The following DENND5A variants were observed in gnomAD, a reference collection of about 807,000 sequenced individuals.
DENND5A encodes the protein DENN domain-containing protein 5A.
A neutral mutation model predicts 140.3 loss-of-function variants in DENND5A; 64 were observed. The ratio of observed to expected loss-of-function variants is 0.46; its 90% CI spans 0.37 to 0.56. DENND5A has a LOEUF of 0.56. DENND5A is among the 20% of genes least tolerant of loss of function. The pLI is 0.00. For missense variants in DENND5A, 1,292 were observed against 1,593.8 expected (o/e 0.81, Z 3.22); for synonymous variants, 605 against 607.7 (o/e 1.00, Z 0.07).
Position 9,152,589 on chromosome 11 carries a change from T to C in DENND5A, c.2437-147A>G, listed in dbSNP as rs992730180. ...CCAGGACACAGTGTATGCAAATATA[T>C]CAATTTACTAAAATCCAGAAGAAAT... On this transcript the variant is annotated intron_variant, in intron 12 of 22. Coordinates refer to ENST00000328194, the MANE Select transcript of DENND5A (RefSeq NM_015213.4). 2.7e-5 allele frequency: 17 copies of C among 626,024 alleles called. No homozygotes were observed. In the Admixed American group the frequency reaches 4.6e-4, roughly 17 times the overall value. The allele number at this position is 626,024 out of a possible 1,614,324, so 38.8% of individuals were successfully genotyped here.
chr11:9,209,375 G>A (rs557662219), intron 1 of DENND5A, among the ~76,000 whole-genome samples: 1 of 152,282 alleles, frequency 6.6e-6, no homozygotes, highest in South Asian at 2.1e-4. Context: ...GATGAAGAAT[G>A]GAGCCAAAGG....
intron 5 of DENND5A, among the ~76,000 whole-genome samples, chr11:9,185,227 T>C (rs1848869494): frequency 6.6e-6 from 1 of 152,182 alleles, no homozygotes; most frequent in African/African-American, 2.4e-5. Context: ...TCTTTTATTT[T>C]CTTTGATGGA....
At chr11:9,190,504 G>A (rs1036681518) in intron 5 of DENND5A, among the ~76,000 whole-genome samples, 6 of 152,092 alleles carry the variant, frequency 3.9e-5, no homozygotes, top group African/African-American at 7.2e-5. Flanking sequence ...CTCTCTCTTT[G>A]CCTGCTGCCA....
At chr11:9,172,093 C>T (rs1848391941) in intron 8 of DENND5A, 1 of 152,124 alleles carries the variant, frequency 6.6e-6, no homozygotes, top group South Asian at 2.1e-4. Flanking sequence ...ATCAGCGGTT[C>T]TGGGATAACT....
chr11:9,228,890 T>G (rs921510127), intron 1 of DENND5A, among the ~76,000 whole-genome samples: 1 of 152,148 alleles, frequency 6.6e-6, no homozygotes, highest in African/African-American at 2.4e-5. Flanking sequence ...GTTATATCCT[T>G]TATAATAAAT....
intron 5 of DENND5A, among the ~76,000 whole-genome samples, chr11:9,186,029 A>C (rs1848902131): frequency 1.3e-5 from 2 of 152,228 alleles, no homozygotes; most frequent in African/African-American, 4.8e-5. Flanking sequence ...TAACTATTTC[A>C]TAAACTCTCA....
intron 1 of DENND5A, among the ~76,000 whole-genome samples, chr11:9,244,415 G>A (rs540351666): frequency 6.6e-6 from 1 of 151,998 alleles, no homozygotes; most frequent in Non-Finnish European, 1.5e-5. Context: ...TGTTGCCCAA[G>A]CTGGAGTGCA....
intron 4 of DENND5A, among the ~76,000 whole-genome samples, chr11:9,202,705 T>TC (rs1849562855): frequency 2.6e-5 from 4 of 152,148 alleles, no homozygotes; most frequent in Admixed American, 2.6e-4. Flanking sequence ...CCTACTATAC[T>TC]CCCGCTCATT....
intron 16 of DENND5A, among the ~76,000 whole-genome samples, chr11:9,146,363 T>C (rs1302467925): frequency 6.6e-6 from 1 of 152,194 alleles, no homozygotes; most frequent in East Asian, 1.9e-4. Flanking sequence ...GCTGAGTAAC[T>C]GGCCAAAGAA....
chr11:9,155,147 TA>T (rs761802009), intron 12 of DENND5A, among the ~76,000 whole-genome samples: 686 of 141,862 alleles, frequency 4.8e-3, no homozygotes, highest in African/African-American at 4.7e-3. Flanking sequence ...AGACTCCATT[TA>T]AAAAAAAAAA....
intron 1 of DENND5A, among the ~76,000 whole-genome samples, chr11:9,254,277 G>A (rs951808755): frequency 5.9e-5 from 9 of 151,968 alleles, no homozygotes; most frequent in African/African-American, 2.2e-4. Flanking sequence ...GAAACGCCGA[G>A]GAAGTGAGGT....
chr11:9,251,947 C>G (rs1442827689), intron 1 of DENND5A, among the ~76,000 whole-genome samples: 1 of 150,950 alleles, frequency 6.6e-6, no homozygotes, highest in Non-Finnish European at 1.5e-5. Flanking sequence ...CGAGATGGCA[C>G]CACCGTACTC....
rs369036752 is a variant in DENND5A at position 9,160,790 on chromosome 11, C to A, written c.2359G>T (p.Val787Leu). ...LGHGEVNITG[V>L]EENTLIASLC... ...CTGGCAATCAGGGTGTTCTCTTCCA[C>A]CCCTGTGATGTTCACCTCCCCATGC... Residue 787 changes from valine (V) to leucine (L), a missense_variant, in exon 12 of 23, where the codon GTG (valine) becomes TTG (leucine). Around this residue, in one of 4 missense-constraint regions of DENND5A, gnomAD observed 498 missense variants for 689.7 expected, o/e 0.72. Coordinates refer to ENST00000328194, the MANE Select transcript of DENND5A (RefSeq NM_015213.4). The A allele has an allele frequency of 4.4e-5, 71 of 1,614,002 alleles. No individual in the cohort carries two copies. Among genetic ancestry groups the A allele is most frequent in the Non-Finnish European group, 5.6e-5 (66 of 1,179,956 alleles).
At chr11:9,180,537 A>G (rs1848693062) in intron 6 of DENND5A, among the ~76,000 whole-genome samples, 2 of 152,242 alleles carry the variant, frequency 1.3e-5, no homozygotes. Flanking sequence ...GAATGATGGC[A>G]GACTCTCCCT....
intron 1 of DENND5A, among the ~76,000 whole-genome samples, chr11:9,259,460 G>A (rs1390886720): frequency 8.7e-5 from 13 of 149,956 alleles, no homozygotes; most frequent in African/African-American, 2.9e-4. Flanking sequence ...CAGCTACTCC[G>A]GAGGCTGAGG....
Position 9,180,802 on chromosome 11 carries a change from C to T in DENND5A, c.1420G>A (p.Ala474Thr). ...KENETIARLQ[A>T]LVKRTGVSLE... is the part of the protein sequence containing the mutation. The stretch of plus-strand genomic sequence containing the variant: ...CTCACCCCAGTTCTCTTGACCAAGG[C>T]TTGCAGCCGGGCAATAGTTTCATTC... The change falls in exon 6 of 23, where the codon GCC becomes ACC. Residue 474 changes from alanine to threonine, a missense_variant. Physicochemically the swap from Ala to Thr is moderately conservative, Grantham distance 58. Coordinates refer to ENST00000328194, the MANE Select transcript of DENND5A (RefSeq NM_015213.4). 4.3e-6 allele frequency: 7 copies of T among 1,614,198 alleles called. No homozygotes were observed. Among genetic ancestry groups the T allele is most frequent in the Non-Finnish European group, 5.9e-6 (7 of 1,180,032 alleles).
At chr11:9,234,677 G>A (rs763521495) in intron 1 of DENND5A, among the ~76,000 whole-genome samples, 22 of 152,286 alleles carry the variant, frequency 1.4e-4, no homozygotes, top group Non-Finnish European at 2.5e-4. Context: ...GCAGAAAACC[G>A]CTTAAAGGCA....
chr11:9,188,966 G>A (rs1254607221), intron 5 of DENND5A, among the ~76,000 whole-genome samples: 1 of 152,218 alleles, frequency 6.6e-6, no homozygotes, highest in Non-Finnish European at 1.5e-5. Context: ...AGACAATGGG[G>A]GTAAATGTCT....
chr11:9,209,756 G>A (rs1424535253), intron 1 of DENND5A, among the ~76,000 whole-genome samples: 1 of 152,070 alleles, frequency 6.6e-6, no homozygotes, highest in Non-Finnish European at 1.5e-5. Context: ...ACAAACCTAA[G>A]ATTTTTTTTA....
Sources: allele counts gnomAD v4.1 joint callset (sites outside exome capture counted in the v4.1 genomes callset), GRCh38; gene constraint gnomAD v4.1.1; regional missense constraint gnomAD v4.1.1; transcripts MANE v1.5; gene names NCBI Gene and HGNC (gene_info 2026-07-23, HGNC 2026-07-21).